VMP1: variants seen among roughly 807,000 people sequenced by gnomAD.
VMP1 encodes vacuole membrane protein 1.
In VMP1, 11 loss-of-function variants were observed where a neutral mutation model predicts 56.0. The observed-to-expected ratio is 0.20, with a 90% CI of 0.12 to 0.32. The LOEUF (loss-of-function observed/expected upper bound fraction) is 0.32. Among genes scored for constraint, VMP1 ranks in the 10% least tolerant of loss-of-function variants. The pLI is 1.00. For missense variants in VMP1, 296 were observed against 490.3 expected (o/e 0.60, Z 3.74); for synonymous variants, 149 against 165.0 (o/e 0.90, Z 0.74).
chr17:59,764,484 T>C (rs549459430), intron 5 of VMP1, among the ~76,000 whole-genome samples: 54 of 152,228 alleles, frequency 3.5e-4, no homozygotes, highest in African/African-American at 1.3e-3. Context: ...CCACAATGCA[T>C]GGCTAATTTT....
At chr17:59,811,811 C>A in intron 9 of VMP1, 25 bp downstream of exon 9, 2 of 1,424,034 alleles carry the variant, frequency 1.4e-6, no homozygotes, top group Non-Finnish European at 2.0e-6. Flanking sequence ...TGATTCACTG[C>A]CTAATGATGA....
intron 9 of VMP1, among the ~76,000 whole-genome samples, chr17:59,815,486 A>G (rs1269238410): frequency 1.3e-5 from 2 of 152,100 alleles, no homozygotes; most frequent in Non-Finnish European, 2.9e-5. Context: ...TGGTTCACTG[A>G]TGTATTATAA....
rs533627928 is a variant in VMP1 at position 59,790,277 on chromosome 17, T to A, written c.714+16392T>A. On this transcript the variant is annotated intron_variant, in intron 7 of 11. Transcript: ENST00000262291. ...TTTAAACTAAGGCCCTATGAAGAGA[T>A]CTAAAGAAATGGGCATGATAATTCA... 1.6e-4 allele frequency among the ~76,000 whole-genome samples: 25 copies of A among 152,286 alleles called. 1 individual carries two copies. The highest frequency in any genetic ancestry group is 4.8e-4 in the African/African-American group (20 of 41,582).
chr17:59,811,412 C>T (rs945504727), intron 8 of VMP1, among the ~76,000 whole-genome samples: 4 of 152,220 alleles, frequency 2.6e-5, no homozygotes, highest in African/African-American at 9.6e-5. Flanking sequence ...AGTGCCTTAG[C>T]CATGAGTAAT....
chr17:59,735,649 G>T, intron 3 of VMP1, 176 bp downstream of exon 3: 3 of 655,224 alleles, frequency 4.6e-6, no homozygotes, highest in Non-Finnish European at 7.4e-6. Context: ...AATAGATTAG[G>T]GAAAGACATT....
At chr17:59,723,655 A>G (rs903587497) in intron 1 of VMP1, among the ~76,000 whole-genome samples, 7 of 152,220 alleles carry the variant, frequency 4.6e-5, no homozygotes, top group Admixed American at 2.0e-4. Context: ...TGAAGAAGGA[A>G]TGAAAAATGG....
intron 7 of VMP1, among the ~76,000 whole-genome samples, chr17:59,792,663 G>A (rs1208915567): frequency 1.3e-5 from 2 of 149,782 alleles, no homozygotes; most frequent in Admixed American, 6.7e-5. Flanking sequence ...TCAAGAGTTC[G>A]AGACCAGCCT....
intron 10 of VMP1, among the ~76,000 whole-genome samples, chr17:59,824,437 G>C (rs1332064563): frequency 2.0e-5 from 3 of 150,702 alleles, no homozygotes; most frequent in Non-Finnish European, 4.4e-5. Context: ...GCCGGGCGTG[G>C]GGGTGGGCGT....
intron 6 of VMP1, among the ~76,000 whole-genome samples, chr17:59,766,929 G>A (rs570465841): frequency 7.2e-5 from 11 of 152,016 alleles, no homozygotes; most frequent in African/African-American, 2.7e-4. Flanking sequence ...ACAGGCACCC[G>A]CCACCACGCT....
intron 1 of VMP1, among the ~76,000 whole-genome samples, chr17:59,719,349 T>A (rs540985414): frequency 1.1e-4 from 13 of 114,740 alleles, no homozygotes; most frequent in African/African-American, 3.2e-4. Context: ...AAATAGATAC[T>A]TCTGAAAGCA....
In VMP1 at chr17:59,809,017, A is replaced by G; in HGVS notation, c.795+141A>G. On this transcript the variant is annotated intron_variant, in intron 8 of 11. Transcript: ENST00000262291. ...GAATCATTCACCTTTTTTTTTTTTT[A>G]AGACGGAGTCTCCCTCTTGTCACCC... The G allele has an allele frequency of 6.3e-6, 4 of 638,178 alleles. No individual in the cohort carries two copies. The South Asian group carries it at 8.9e-5, about 14-fold the overall frequency. 39.5% of individuals were successfully genotyped at this position (638,178 alleles called of 1,614,324 possible). A position where few individuals can be genotyped will look rare whatever the true frequency, so the allele number is the denominator to read the frequency against.
At chr17:59,718,495 C>T (rs2034263751) in intron 1 of VMP1, among the ~76,000 whole-genome samples, 1 of 151,252 alleles carries the variant, frequency 6.6e-6, no homozygotes, top group African/African-American at 2.4e-5. Context: ...CGTGCCCGGC[C>T]CCTCCTTTCT....
At chr17:59,815,464 ATTT>A (rs75803439) in intron 9 of VMP1, among the ~76,000 whole-genome samples, 38,027 of 151,474 alleles carry the variant, frequency 0.25, 5,065 homozygotes, top group East Asian at 0.43. Flanking sequence ...GAGGGCAGAG[ATTT>A]TTGTCTGTTG....
intron 7 of VMP1, among the ~76,000 whole-genome samples, chr17:59,774,421 A>AAAAAG (rs1555619882): frequency 3.3e-5 from 5 of 151,474 alleles, no homozygotes; most frequent in African/African-American, 1.2e-4. Context: ...CTAAAAAAAA[A>AAAAAG]AAAGAAAGAA....
chr17:59,835,010 T>G (rs1386925958), intron 10 of VMP1, among the ~76,000 whole-genome samples: 1 of 151,944 alleles, frequency 6.6e-6, no homozygotes, highest in African/African-American at 2.4e-5. Context: ...TCCACCTGCC[T>G]CGGCCTCCCA....
At chr17:59,767,635 G>A (rs2036278777) in intron 6 of VMP1, among the ~76,000 whole-genome samples, 1 of 151,862 alleles carries the variant, frequency 6.6e-6, no homozygotes, top group Non-Finnish European at 1.5e-5. Context: ...CCACTATCTC[G>A]GCTGGCTGTG....
At chr17:59,714,431 C>T (rs2034069155) in intron 1 of VMP1, among the ~76,000 whole-genome samples, 1 of 152,176 alleles carries the variant, frequency 6.6e-6, no homozygotes, top group African/African-American at 2.4e-5. Flanking sequence ...TCTACTGCCA[C>T]ATTAGGGGTT....
intron 9 of VMP1, among the ~76,000 whole-genome samples, chr17:59,816,868 C>T (rs2038251482): frequency 6.6e-6 from 1 of 151,384 alleles, no homozygotes; most frequent in Admixed American, 6.6e-5. Flanking sequence ...ATGGCTTGAC[C>T]CTGGGAGGCG....
rs953247953 is a variant in VMP1, at chr17:59,818,281, C to T, written c.974+508C>T. ...GCTCAGGAGGCTGAGGCAGGAGAAT[C>T]GCTTGAACCTGGGAGGCAGAGGTTG... On this transcript the variant is annotated intron_variant, in intron 10 of 11. Transcript: ENST00000262291. Among the ~76,000 whole-genome samples the T allele has an allele frequency of 5.3e-5, 8 of 152,090 alleles. No individual in the cohort carries two copies. In the South Asian group the frequency reaches 1.2e-3, roughly 24 times the overall value.
Sources: allele counts gnomAD v4.1 joint callset (sites outside exome capture counted in the v4.1 genomes callset), GRCh38; gene constraint gnomAD v4.1.1; transcripts MANE v1.5; gene names NCBI Gene and HGNC (gene_info 2026-07-23, HGNC 2026-07-21).